GPAT3: variants seen among roughly 807,000 people sequenced by gnomAD.
GPAT3 encodes the protein glycerol-3-phosphate acyltransferase 3.
GPAT3 carries 53 observed loss-of-function variants against 58.8 expected under a neutral mutation model. That is an observed-to-expected ratio of 0.90 (90% CI 0.72 to 1.13). The LOEUF (loss-of-function observed/expected upper bound fraction) is 1.13, where lower values mean the gene tolerates loss of function less well. GPAT3 is among the 50% of genes most tolerant of loss of function. The pLI is 0.00. For synonymous variants in GPAT3, 197 were observed against 187.4 expected (o/e 1.05, Z -0.42); for missense variants, 511 against 527.6 (o/e 0.97, Z 0.31).
chr4:83,568,555 T>A (rs1366726186), intron 2 of GPAT3, among the ~76,000 whole-genome samples: 4 of 151,868 alleles, frequency 2.6e-5, no homozygotes, highest in African/African-American at 9.7e-5. Context: ...TTGCCCAGGC[T>A]GGAGTGCTGT....
chr4:83,548,952 A>C (rs193200759), intron 2 of GPAT3, among the ~76,000 whole-genome samples: 9 of 152,272 alleles, frequency 5.9e-5, no homozygotes, highest in African/African-American at 2.2e-4. Flanking sequence ...CTGTGAGGCA[A>C]TTGACTACTT....
At chr4:83,590,087 G>A (rs1290827380) in intron 5 of GPAT3, 112 bp from the exon 6 acceptor site, 7 of 894,336 alleles carry the variant, frequency 7.8e-6, no homozygotes, top group Non-Finnish European at 1.1e-5. Flanking sequence ...AGTGAGACGC[G>A]AAAAAAAAAA....
chr4:83,569,763 T>C (rs1349600175), intron 2 of GPAT3, among the ~76,000 whole-genome samples: 4 of 152,118 alleles, frequency 2.6e-5, no homozygotes, highest in African/African-American at 4.8e-5. Flanking sequence ...GTTTGGCTTA[T>C]TGTAGGATGG....
chr4:83,574,653 TTTTTTTTTTTTTTTTTTTTTTTTTA>T (rs1725724918), intron 2 of GPAT3, among the ~76,000 whole-genome samples: 1 of 84,088 alleles, frequency 1.2e-5, no homozygotes, highest in African/African-American at 4.7e-5. Context: ...TTTTTTTTTT[TTTTTTTTTTTTTTTTTTTTTTTTTA>T]GAATTAGAGT....
At position 83,581,798 on chromosome 4, in the gene GPAT3, G is replaced by A. The variant is rs758465966; in HGVS notation, c.445G>A (p.Val149Ile). The change falls in exon 3 of 12, where the codon GTC (valine) becomes ATC (isoleucine). Residue 149 changes from valine (V) to isoleucine (I), a missense_variant. By Grantham distance (29) the Val-to-Ile change is conservative (BLOSUM62 3). Coordinates refer to ENST00000264409, the MANE Select transcript of GPAT3 (RefSeq NM_032717.5). ...LRLTMVWVLG[V>I]IVRYCVLLPL... ...GCTCACTATGGTGTGGGTGCTGGGC[G>A]TCATAGTGCGCTATTGTGTCCTACT... The A allele has an allele frequency of 5.0e-6, 8 of 1,613,884 alleles. No homozygotes were observed. In the African/African-American group the frequency reaches 6.7e-5, roughly 13 times the overall value.
chr4:83,542,530 G>C (rs1041674755), intron 1 of GPAT3, among the ~76,000 whole-genome samples: 9 of 152,182 alleles, frequency 5.9e-5, no homozygotes, highest in African/African-American at 2.2e-4. Context: ...TGTTTTGAAG[G>C]GGTCCTGACG....
At chr4:83,603,387 A>G (rs975103389) in intron 11 of GPAT3, among the ~76,000 whole-genome samples, 2 of 152,262 alleles carry the variant, frequency 1.3e-5, no homozygotes, top group African/African-American at 4.8e-5. Flanking sequence ...AATGCTGCTT[A>G]CATAGGCACT....
chr4:83,603,261 A>G (rs1306252802), intron 11 of GPAT3, among the ~76,000 whole-genome samples: 1 of 152,224 alleles, frequency 6.6e-6, no homozygotes. Flanking sequence ...TACTCCCAGC[A>G]ACTCCAGTTT....
chr4:83,571,741 C>CAT lies in GPAT3; in HGVS notation c.209-9810_209-9809dup, dbSNP rs895283457. On this transcript the variant is annotated intron_variant, in intron 2 of 11. Coordinates refer to ENST00000264409, the MANE Select transcript of GPAT3 (RefSeq NM_032717.5). ...ACACACACATATATATATATACACG[C>CAT]ATATATATATATGTGTATATACACA... Among the ~76,000 whole-genome samples, 57 of 127,026 alleles carry CAT rather than the reference C, an allele frequency of 4.5e-4. No homozygotes were observed. The East Asian group carries it at 5.1e-3, about 11-fold the overall frequency. 83.3% of individuals were successfully genotyped at this position (127,026 alleles called of 152,430 possible).
At chr4:83,538,257 CT>C (rs1724176064) in intron 1 of GPAT3, among the ~76,000 whole-genome samples, 1 of 152,182 alleles carries the variant, frequency 6.6e-6, no homozygotes, top group Non-Finnish European at 1.5e-5. Context: ...GTGGCTATTT[CT>C]TTGCCTAGAC....
chr4:83,536,023 G>T (rs1051451940), upstream of GPAT3: 20 of 985,364 alleles, frequency 2.0e-5, no homozygotes, highest in East Asian at 1.6e-3. Flanking sequence ...GCTAAGTACT[G>T]CCAGGGAGCT....
At chr4:83,590,165 A>G in intron 5 of GPAT3, 34 bp from the exon 6 acceptor site, 1 of 1,586,038 alleles carries the variant, frequency 6.3e-7, no homozygotes, top group African/African-American at 1.3e-5. Flanking sequence ...GCTATTTTAG[A>G]AGACTTCGAA....
chr4:83,597,405 C>A, intron 8 of GPAT3, 25 bp from the exon 9 acceptor site: 1 of 1,282,144 alleles, frequency 7.8e-7, no homozygotes, highest in African/African-American at 1.5e-5. Context: ...AAAATATTCA[C>A]GCTCCTACCC....
chr4:83,596,349 A>G (rs968649631), intron 7 of GPAT3, among the ~76,000 whole-genome samples: 6 of 152,148 alleles, frequency 3.9e-5, no homozygotes, highest in Non-Finnish European at 5.9e-5. Flanking sequence ...GTCCAGGCAC[A>G]TTGGCTCATG....
intron 6 of GPAT3, among the ~76,000 whole-genome samples, chr4:83,593,112 C>T (rs1726669658): frequency 6.6e-6 from 1 of 151,442 alleles, no homozygotes; most frequent in Admixed American, 6.6e-5. Context: ...GGTGATCCAC[C>T]CACCTTGGCC....
chr4:83,579,017 CCTTTCTTT>C lies in GPAT3; in HGVS notation c.209-2489_209-2482del, dbSNP rs756095198. Among the ~76,000 whole-genome samples the C allele has an allele frequency of 5.6e-3, 258 of 46,434 alleles. 10 individuals are homozygous for C. Among genetic ancestry groups the C allele is most frequent in the Middle Eastern group, 0.013 (1 of 76 alleles). 30.5% of individuals were successfully genotyped at this position (46,434 alleles called of 152,430 possible). A position where few individuals can be genotyped will look rare whatever the true frequency, so the allele number is the denominator to read the frequency against. On this transcript the variant is annotated intron_variant, in intron 2 of 11. Transcript: ENST00000264409. Reference sequence around the variant, plus strand: ...CCTTCCTTCCTTCCTTCCTTCTTTCCCTTTCTTTCTTTCTTTCTTTCTTTCTTTCTTTC... The same window carrying C: ...CCTTCCTTCCTTCCTTCCTTCTTTCCCTTTCTTTCTTTCTTTCTTTCTTTC...
intron 2 of GPAT3, among the ~76,000 whole-genome samples, chr4:83,572,794 G>C (rs1473289441): frequency 6.6e-6 from 1 of 152,172 alleles, no homozygotes; most frequent in Non-Finnish European, 1.5e-5. Context: ...GTGATAATCA[G>C]GATCACAAAG....
chr4:83,546,612 T>C (rs1449626646), intron 2 of GPAT3, among the ~76,000 whole-genome samples: 1 of 152,034 alleles, frequency 6.6e-6, no homozygotes, highest in African/African-American at 2.4e-5. Context: ...TCATTCAGAG[T>C]GTCTACCCTT....
chr4:83,570,524 G>T (rs1200301637), intron 2 of GPAT3, among the ~76,000 whole-genome samples: 1 of 146,994 alleles, frequency 6.8e-6, no homozygotes, highest in African/African-American at 2.5e-5. Context: ...TCAGGCTGGA[G>T]TGCAGCGGCA....
Sources: allele counts gnomAD v4.1 joint callset (sites outside exome capture counted in the v4.1 genomes callset), GRCh38; gene constraint gnomAD v4.1.1; transcripts MANE v1.5; gene names NCBI Gene and HGNC (gene_info 2026-07-23, HGNC 2026-07-21).